Variants in PCDH15 observed in about 807,000 individuals in gnomAD.
PCDH15 encodes the protein protocadherin related 15.
PCDH15 carries 129 observed loss-of-function variants against 178.5 expected under a neutral mutation model. The observed-to-expected ratio is 0.72, with a 90% CI of 0.63 to 0.84. PCDH15 has a LOEUF of 0.84. PCDH15 is among the 40% of genes least tolerant of loss of function. PCDH15 has a pLI of 0.00. For missense variants in PCDH15, 2,230 were observed against 2,099.9 expected (o/e 1.06, Z -1.21); for synonymous variants, 800 against 732.0 (o/e 1.09, Z -1.50).
intron 2 of PCDH15, among the ~76,000 whole-genome samples, chr10:54,567,372 A>G (rs1272183143): frequency 6.6e-6 from 1 of 152,122 alleles, no homozygotes; most frequent in Non-Finnish European, 1.5e-5. Flanking sequence ...AATGAATCCT[A>G]CTTTTGATGT....
At chr10:54,507,877 T>G (rs1472254449) in intron 3 of PCDH15, among the ~76,000 whole-genome samples, 2 of 152,004 alleles carry the variant, frequency 1.3e-5, no homozygotes, top group African/African-American at 4.8e-5. Context: ...AGTATGAATA[T>G]TGCAACTTTT....
intron 2 of PCDH15, among the ~76,000 whole-genome samples, chr10:54,905,599 T>A (rs1396754751): frequency 6.6e-6 from 1 of 152,156 alleles, no homozygotes; most frequent in South Asian, 2.1e-4. Context: ...AAATGCCAGT[T>A]CCTGGGACAG....
chr10:53,972,697 T>C (rs1470918673), intron 21 of PCDH15, among the ~76,000 whole-genome samples: 1 of 152,282 alleles, frequency 6.6e-6, no homozygotes, highest in African/African-American at 2.4e-5. Context: ...AAAATGCTCA[T>C]CATCACTGGC....
intron 1 of PCDH15, among the ~76,000 whole-genome samples, chr10:55,295,543 A>G (rs1327273419): frequency 6.6e-6 from 1 of 152,222 alleles, no homozygotes; most frequent in Non-Finnish European, 1.5e-5. Flanking sequence ...AAGGAGAAGG[A>G]AATCTTTTGT....
chr10:54,906,363 T>A (rs972836829), intron 2 of PCDH15, among the ~76,000 whole-genome samples: 2 of 152,162 alleles, frequency 1.3e-5, no homozygotes, highest in African/African-American at 4.8e-5. Flanking sequence ...CTACTTTAAT[T>A]TAAATTGCAA....
chr10:54,255,345 A>C (rs1025426087), intron 8 of PCDH15, among the ~76,000 whole-genome samples: 1 of 152,130 alleles, frequency 6.6e-6, no homozygotes. Context: ...AATTCTTTGC[A>C]TTGCATTTTC....
intron 2 of PCDH15, among the ~76,000 whole-genome samples, chr10:55,456,576 T>C (rs1839559208): frequency 6.6e-6 from 1 of 152,092 alleles, no homozygotes; most frequent in Non-Finnish European, 1.5e-5. Flanking sequence ...TCTGTTTAAA[T>C]AGGTGGGAAG....
At chr10:53,879,989 T>C (rs1455099982) in intron 26 of PCDH15, among the ~76,000 whole-genome samples, 1 of 152,212 alleles carries the variant, frequency 6.6e-6, no homozygotes, top group Non-Finnish European at 1.5e-5. Flanking sequence ...TGCTTCATGA[T>C]AAGCTGATAA....
chr10:54,945,311 T>C (rs942853869), intron 2 of PCDH15, among the ~76,000 whole-genome samples: 1 of 145,480 alleles, frequency 6.9e-6, no homozygotes, highest in Admixed American at 6.9e-5. Flanking sequence ...TAGGTGCAGA[T>C]AGATGGATGT....
intron 2 of PCDH15, among the ~76,000 whole-genome samples, chr10:54,959,482 G>A (rs1232579571): frequency 6.6e-6 from 1 of 151,978 alleles, no homozygotes; most frequent in East Asian, 1.9e-4. Context: ...ATTTTAAGGT[G>A]AAAAGGTTAA....
At chr10:53,977,184 G>C (rs1033580283) in intron 21 of PCDH15, among the ~76,000 whole-genome samples, 5 of 152,110 alleles carry the variant, frequency 3.3e-5, no homozygotes, top group Admixed American at 3.3e-4. Context: ...TTTTGTCTCA[G>C]TGATCGGCTT....
At chr10:55,122,752 A>C (rs753409503) in intron 2 of PCDH15, among the ~76,000 whole-genome samples, 1 of 152,166 alleles carries the variant, frequency 6.6e-6, no homozygotes, top group Non-Finnish European at 1.5e-5. Context: ...AGCTGAACAA[A>C]TCTTATAAAA....
chr10:54,994,240 C>T (rs10825423), intron 2 of PCDH15, among the ~76,000 whole-genome samples: 52,253 of 152,062 alleles, frequency 0.34, 10,477 homozygotes, highest in African/African-American at 0.55. Context: ...TAATGACTCT[C>T]TGTCATTTCT....
intron 3 of PCDH15, among the ~76,000 whole-genome samples, chr10:54,834,381 G>T (rs576552506): frequency 6.6e-6 from 1 of 151,790 alleles, no homozygotes; most frequent in Non-Finnish European, 1.5e-5. Context: ...GTTTTGCCAC[G>T]TTGGTCAGGC....
At chr10:53,851,938 T>C (rs1361697444) in intron 28 of PCDH15, among the ~76,000 whole-genome samples, 1 of 151,716 alleles carries the variant, frequency 6.6e-6, no homozygotes, top group Non-Finnish European at 1.5e-5. Context: ...AGCTCTACTA[T>C]AATTGAATTT....
At chr10:55,135,951 G>A (rs886628000) in intron 2 of PCDH15, among the ~76,000 whole-genome samples, 6 of 152,090 alleles carry the variant, frequency 3.9e-5, no homozygotes, top group African/African-American at 1.2e-4. Context: ...AATTACGTGT[G>A]GGTTGGGTGC....
intron 2 of PCDH15, among the ~76,000 whole-genome samples, chr10:55,361,870 C>T (rs1176187487): frequency 6.6e-6 from 1 of 151,910 alleles, no homozygotes; most frequent in Non-Finnish European, 1.5e-5. Context: ...AAAATGAATA[C>T]CCAAGATCAT....
intron 14 of PCDH15, among the ~76,000 whole-genome samples, chr10:54,148,826 C>T (rs989071118): frequency 5.3e-5 from 8 of 151,730 alleles, no homozygotes; most frequent in African/African-American, 1.7e-4. Flanking sequence ...ACTCTTGTGC[C>T]TCTGCTCCCC....
intron 2 of PCDH15, among the ~76,000 whole-genome samples, chr10:55,480,946 G>T (rs1158967453): frequency 1.3e-5 from 2 of 151,790 alleles, no homozygotes; most frequent in Non-Finnish European, 2.9e-5. Flanking sequence ...GTAGAATTCA[G>T]CTGTGAATCC....
Sources: gnomAD v4.1 joint callset for allele counts (sites outside exome capture counted in the v4.1 genomes callset) on GRCh38, gnomAD v4.1.1 for gene constraint, MANE v1.5 for transcripts, NCBI Gene and HGNC (gene_info 2026-07-23, HGNC 2026-07-21) for gene names.